The following TTC27 variants were observed in gnomAD, a reference collection of about 807,000 sequenced individuals.
The protein encoded by TTC27 is tetratricopeptide repeat domain 27.
A neutral mutation model predicts 115.9 loss-of-function variants in TTC27; 79 were observed. That is an observed-to-expected ratio of 0.68 (90% CI 0.57 to 0.82). The LOEUF (loss-of-function observed/expected upper bound fraction) is 0.82, where lower values mean the gene tolerates loss of function less well. Among genes scored for constraint, TTC27 ranks in the 40% least tolerant of loss-of-function variants. TTC27 has a pLI of 0.00. For missense variants in TTC27, 1,054 were observed against 993.1 expected, an observed-to-expected ratio of 1.06 and a Z score of -0.82; for synonymous variants, 401 against 356.0, an observed-to-expected ratio of 1.13 and a Z score of -1.42.
chr2:32,715,867 T>G (rs1230365425), intron 10 of TTC27, among the ~76,000 whole-genome samples: 2 of 140,958 alleles, frequency 1.4e-5, no homozygotes, highest in Non-Finnish European at 3.1e-5. Context: ...TTTATGTTTG[T>G]TTTTTTTTTT....
intron 5 of TTC27, among the ~76,000 whole-genome samples, chr2:32,663,911 C>CTGACCT (rs1665657871): frequency 6.6e-6 from 1 of 151,828 alleles, no homozygotes; most frequent in Non-Finnish European, 1.5e-5. Context: ...TCTCGAACTC[C>CTGACCT]TGACCTTGTG....
chr2:32,691,813 A>G (rs750791249), intron 9 of TTC27, among the ~76,000 whole-genome samples: 7 of 151,936 alleles, frequency 4.6e-5, no homozygotes, highest in Non-Finnish European at 8.8e-5. Context: ...TACTGGCTCA[A>G]TGAGTCACCT....
chr2:32,740,442 T>A (rs996390110), intron 12 of TTC27, among the ~76,000 whole-genome samples: 8 of 95,328 alleles, frequency 8.4e-5, no homozygotes, highest in African/African-American at 3.2e-4. Flanking sequence ...TTGGATTTCC[T>A]GTTTTGGGGG....
intron 10 of TTC27, among the ~76,000 whole-genome samples, chr2:32,733,509 G>A (rs187557969): frequency 2.6e-5 from 4 of 152,266 alleles, no homozygotes; most frequent in South Asian, 2.1e-4. Flanking sequence ...TTGTGAAATA[G>A]ATAAGCTAAA....
intron 9 of TTC27, among the ~76,000 whole-genome samples, chr2:32,681,998 G>A (rs1237350558): frequency 6.7e-6 from 1 of 148,358 alleles, no homozygotes; most frequent in African/African-American, 2.5e-5. Flanking sequence ...GTGTGTGTGT[G>A]TGTGTGTGTG....
chr2:32,805,665 C>G (rs1671104185), intron 16 of TTC27, among the ~76,000 whole-genome samples: 1 of 152,174 alleles, frequency 6.6e-6, no homozygotes, highest in South Asian at 2.1e-4. Flanking sequence ...AGTAAGCTAA[C>G]AGGCAGGGCA....
At chr2:32,762,717 C>T (rs1246411826) in intron 13 of TTC27, among the ~76,000 whole-genome samples, 1 of 152,058 alleles carries the variant, frequency 6.6e-6, no homozygotes, top group Admixed American at 6.5e-5. Flanking sequence ...TCTCAGCTCA[C>T]TGCAATCTCT....
At chr2:32,663,270 A>T (rs866562324) in intron 5 of TTC27, among the ~76,000 whole-genome samples, 1 of 152,150 alleles carries the variant, frequency 6.6e-6, no homozygotes, top group African/African-American at 2.4e-5. Context: ...ACGGCTGCCC[A>T]GTTTTGTGCT....
chr2:32,803,045 C>T (rs1671008515), intron 16 of TTC27, among the ~76,000 whole-genome samples: 1 of 152,224 alleles, frequency 6.6e-6, no homozygotes, highest in Non-Finnish European at 1.5e-5. Flanking sequence ...GGGCTAAAGC[C>T]CAGGACCTAA....
intron 4 of TTC27, among the ~76,000 whole-genome samples, chr2:32,641,281 C>G (rs1398099695): frequency 3.3e-5 from 5 of 152,148 alleles, no homozygotes; most frequent in Admixed American, 3.3e-4. Context: ...AGGTTGTCAG[C>G]CACGCAGTGT....
At chr2:32,656,451 A>G (rs960143559) in intron 5 of TTC27, among the ~76,000 whole-genome samples, 1 of 152,170 alleles carries the variant, frequency 6.6e-6, no homozygotes, top group Admixed American at 6.5e-5. Flanking sequence ...AGGCACAGAG[A>G]CTTGGAACAT....
chr2:32,645,234 C>G (rs2151866339), intron 4 of TTC27, among the ~76,000 whole-genome samples: 1 of 152,224 alleles, frequency 6.6e-6, no homozygotes, highest in South Asian at 2.1e-4. Context: ...AGAATTGGTA[C>G]TATGTAAGTG....
Position 32,731,679 on chromosome 2 carries a change from GATCTTT to G in TTC27, c.1234-2145_1234-2140del, listed in dbSNP as rs140406865. Among the ~76,000 whole-genome samples the G allele has an allele frequency of 9.9e-3, 1,504 of 152,228 alleles. 23 individuals are homozygous for G. Among genetic ancestry groups the G allele is most frequent in the African/African-American group, 0.034 (1,400 of 41,532 alleles). ...GCACCCAACCTAGAGTTCTGTTTTT[GATCTTT>G]ATCATGCATATGGCTTAATCAGGTT... On this transcript the variant is annotated intron_variant, in intron 10 of 19. Coordinates refer to ENST00000317907, the MANE Select transcript of TTC27 (RefSeq NM_017735.5).
At chr2:32,739,155 A>G (rs531633028) in intron 12 of TTC27, among the ~76,000 whole-genome samples, 1 of 152,344 alleles carries the variant, frequency 6.6e-6, no homozygotes, top group East Asian at 1.9e-4. Flanking sequence ...TAACAAAGGA[A>G]TGAATGGATG....
chr2:32,657,000 T>G (rs1289465357), intron 5 of TTC27, among the ~76,000 whole-genome samples: 2 of 151,578 alleles, frequency 1.3e-5, no homozygotes, highest in Non-Finnish European at 2.9e-5. Context: ...TTTTTTTTTT[T>G]TTTGAGACGG....
intron 10 of TTC27, among the ~76,000 whole-genome samples, chr2:32,708,304 G>GTTTTTTTTTTGTTTTTTTTTTTTTTTTTT: frequency 1.6e-5 from 1 of 61,356 alleles, no homozygotes; most frequent in Non-Finnish European, 3.1e-5. Flanking sequence ...TCTCTACCTT[G>GTTTTTTTTTTGTTTTTTTTTTTTTTTTTT]TTTTTTTTTT....
chr2:32,641,536 A>C (rs1316347858), intron 4 of TTC27, among the ~76,000 whole-genome samples: 1 of 152,240 alleles, frequency 6.6e-6, no homozygotes, highest in African/African-American at 2.4e-5. Flanking sequence ...GGATTTGCGC[A>C]CAGGCTGTGC....
rs80157338 is a variant in TTC27 at position 32,630,724 on chromosome 2, A to G, written c.266+24A>G. The G allele has an allele frequency of 5.5e-5, 88 of 1,591,632 alleles. 2 individuals carry two copies. The East Asian group carries it at 1.9e-3, about 35-fold the overall frequency. ...AGGTAGAATTTTATTTGAAATTTTC[A>G]TAGAGGAACAGAGCAAATACATTTA... On this transcript the variant is annotated intron_variant, in intron 2 of 19. Coordinates refer to ENST00000317907, the MANE Select transcript of TTC27 (RefSeq NM_017735.5).
chr2:32,809,629 C>A (rs1237273235), intron 16 of TTC27, among the ~76,000 whole-genome samples: 1 of 152,208 alleles, frequency 6.6e-6, no homozygotes, highest in Non-Finnish European at 1.5e-5. Flanking sequence ...CAAGCTGGTT[C>A]TTTTGCTGTC....
Sources: allele counts gnomAD v4.1 joint callset (sites outside exome capture counted in the v4.1 genomes callset), GRCh38; gene constraint gnomAD v4.1.1; transcripts MANE v1.5; gene names NCBI Gene and HGNC (gene_info 2026-07-23, HGNC 2026-07-21).